OPRM1: variants seen among roughly 807,000 people sequenced by gnomAD.
The protein encoded by OPRM1 is opioid receptor mu 1.
A neutral mutation model predicts 31.8 loss-of-function variants in OPRM1; 27 were observed. The ratio of observed to expected loss-of-function variants is 0.85; its 90% confidence interval spans 0.63 to 1.17. The LOEUF (loss-of-function observed/expected upper bound fraction) is 1.17, where lower values mean the gene tolerates loss of function less well. Among genes scored for constraint, OPRM1 ranks in the 50% most tolerant of loss-of-function variants. The probability of loss-of-function intolerance (pLI) is 0.00; values close to 1 mark genes in which losing one functional copy is unlikely to be tolerated. For missense variants in OPRM1, 536 were observed against 511.1 expected, an observed-to-expected ratio of 1.05 and a Z score of -0.47; for synonymous variants, 196 against 189.9, an observed-to-expected ratio of 1.03 and a Z score of -0.26.
upstream of OPRM1, among the ~76,000 whole-genome samples, chr6:154,036,142 C>G (rs1430774033): frequency 1.3e-5 from 2 of 151,986 alleles, no homozygotes; most frequent in Non-Finnish European, 2.9e-5. Flanking sequence ...ATAACAAAAA[C>G]TTGAAATTGA....
chr6:154,011,302 A>C (rs994930767), intron 1 of OPRM1, among the ~76,000 whole-genome samples: 18 of 152,154 alleles, frequency 1.2e-4, no homozygotes, highest in Non-Finnish European at 2.2e-4. Context: ...ATTATTTCGG[A>C]GTTCCTATGG....
chr6:154,139,676 T>C (rs1798147804), intron 3 of OPRM1, among the ~76,000 whole-genome samples: 1 of 152,116 alleles, frequency 6.6e-6, no homozygotes, highest in South Asian at 2.1e-4. Context: ...CAGCTGGGCC[T>C]AACACACAGC....
chr6:154,072,169 T>C (rs1312887488), intron 1 of OPRM1, among the ~76,000 whole-genome samples: 1 of 152,190 alleles, frequency 6.6e-6, no homozygotes, highest in African/African-American at 2.4e-5. Context: ...TGGTTTATTC[T>C]TATTGGAGGG....
intron 3 of OPRM1, among the ~76,000 whole-genome samples, chr6:154,096,479 A>C (rs747152094): frequency 6.6e-6 from 1 of 152,156 alleles, no homozygotes; most frequent in Non-Finnish European, 1.5e-5. Flanking sequence ...AGTTTGGTGC[A>C]AAAGTAATTG....
At chr6:154,032,030 T>C (rs1779037791) in intron 1 of OPRM1, among the ~76,000 whole-genome samples, 1 of 152,164 alleles carries the variant, frequency 6.6e-6, no homozygotes. Context: ...TTTTAATCTG[T>C]TTTTGGCTAC....
At chr6:154,222,451 G>T (rs1241946469) in intron 3 of OPRM1, among the ~76,000 whole-genome samples, 1 of 152,222 alleles carries the variant, frequency 6.6e-6, no homozygotes, top group Non-Finnish European at 1.5e-5. Flanking sequence ...GACTGGAAAA[G>T]ATGTCAAAGG....
chr6:154,139,052 C>G (rs138236178), intron 3 of OPRM1, among the ~76,000 whole-genome samples: 3 of 152,336 alleles, frequency 2.0e-5, no homozygotes, highest in African/African-American at 4.8e-5. Context: ...CCCCTCCACT[C>G]CCACCAAACT....
In OPRM1 at chr6:154,120,700, G is replaced by A. The variant is rs992585273; in HGVS notation, c.*1979G>A. On this transcript the variant is annotated 3_prime_UTR_variant, in exon 4 of 4. Transcript: ENST00000330432. ...ATCCATGCTTTTCATGGGCTAGGATGGTTTCTCCCAAGAGATGACATAGTA... is the reference window on the plus strand; with the variant it reads ...ATCCATGCTTTTCATGGGCTAGGATAGTTTCTCCCAAGAGATGACATAGTA... Among the ~76,000 whole-genome samples, 1 of 152,150 alleles carries A rather than the reference G, an allele frequency of 6.6e-6. No homozygotes were observed. The highest frequency in any genetic ancestry group is 2.4e-5 in the African/African-American group (1 of 41,440).
chr6:154,115,598 C>T (rs1796783679), intron 3 of OPRM1, among the ~76,000 whole-genome samples: 1 of 152,172 alleles, frequency 6.6e-6, no homozygotes, highest in Admixed American at 6.5e-5. Flanking sequence ...TCTCCTCTAC[C>T]TCCATTGTTC....
At chr6:154,064,161 G>A (rs899823723) in intron 1 of OPRM1, among the ~76,000 whole-genome samples, 1 of 152,032 alleles carries the variant, frequency 6.6e-6, no homozygotes, top group Non-Finnish European at 1.5e-5. Flanking sequence ...TTATTTAATA[G>A]TAATATTCCT....
At chr6:154,229,654 C>G (rs1779570423) in intron 3 of OPRM1, among the ~76,000 whole-genome samples, 1 of 152,130 alleles carries the variant, frequency 6.6e-6, no homozygotes. Flanking sequence ...CCGTGCCCAG[C>G]AGTTTGTCAG....
intron 3 of OPRM1, among the ~76,000 whole-genome samples, chr6:154,238,002 T>C (rs1425854337): frequency 3.3e-5 from 5 of 152,216 alleles, no homozygotes; most frequent in Non-Finnish European, 5.9e-5. Context: ...AAAGCCATTT[T>C]TGATTTTAGA....
chr6:154,077,899 A>G (rs1218338160), intron 1 of OPRM1, among the ~76,000 whole-genome samples: 1 of 147,574 alleles, frequency 6.8e-6, no homozygotes, highest in South Asian at 2.1e-4. Context: ...ACTCATATCT[A>G]TTTATCATCC....
intron 3 of OPRM1, among the ~76,000 whole-genome samples, chr6:154,143,940 AAGAG>A (rs1429088168): frequency 1.3e-5 from 2 of 152,210 alleles, no homozygotes; most frequent in African/African-American, 4.8e-5. Context: ...CCGAAAGAGA[AAGAG>A]AGAGAGAAAG....
In OPRM1 at chr6:154,090,193, CA is replaced by C. The variant is rs1214882956; in HGVS notation, c.643+16del. 1.9e-6 allele frequency: 3 copies of C among 1,564,922 alleles called. No individual in the cohort carries two copies. Among genetic ancestry groups the C allele is most frequent in the Non-Finnish European group, 2.6e-6 (3 of 1,140,160 alleles). ...ATACAGGCAAGGTGAGTGATGTTAC[CA>C]GCCTGAGGGAAGGAGGGTTCACAGC... On this transcript the variant is annotated intron_variant, in intron 2 of 3. Transcript: ENST00000330432.
chr6:154,039,779 A>G lies in OPRM1; in HGVS notation c.235A>G (p.Ile79Val). 6.2e-7 allele frequency: 1 copy of G among 1,602,186 alleles called. No homozygotes were observed. Among genetic ancestry groups the G allele is most frequent in the Non-Finnish European group, 8.5e-7 (1 of 1,179,226 alleles). ...TAITIMALYS[I>V]VCVVGLFGNF... The stretch of plus-strand genomic sequence containing the variant: ...CATCACGATCATGGCCCTCTACTCC[A>G]TCGTGTGCGTGGTGGGGCTCTTCGG... Residue 79 changes from isoleucine to valine, a missense_variant, in exon 1 of 4, where the codon ATC (isoleucine) becomes GTC (valine). Physicochemically the swap from Ile to Val is conservative, Grantham distance 29 (BLOSUM62 3). Coordinates refer to ENST00000330432, the MANE Select transcript of OPRM1 (RefSeq NM_000914.5).
At chr6:154,214,229 G>T (rs1004657982) in intron 3 of OPRM1, 2 of 1,604,268 alleles carry the variant, frequency 1.2e-6, no homozygotes, top group Non-Finnish European at 8.5e-7. Context: ...TTCATCCTTT[G>T]TAGTGGATTC....
intron 3 of OPRM1, among the ~76,000 whole-genome samples, chr6:154,113,053 C>T (rs1311635473): frequency 6.6e-6 from 1 of 152,206 alleles, no homozygotes; most frequent in Non-Finnish European, 1.5e-5. Context: ...TTAATCCAAA[C>T]AAAACAGGAA....
chr6:154,244,104 G>A (rs796408523), intron 3 of OPRM1, among the ~76,000 whole-genome samples: 17 of 152,290 alleles, frequency 1.1e-4, no homozygotes, highest in African/African-American at 3.4e-4. Flanking sequence ...CTTTGAGAGC[G>A]ACTTTGTTGA....
Sources: allele counts gnomAD v4.1 joint callset (sites outside exome capture counted in the v4.1 genomes callset), GRCh38; gene constraint gnomAD v4.1.1; transcripts MANE v1.5; gene names NCBI Gene and HGNC (gene_info 2026-07-23, HGNC 2026-07-21).